The following KCNQ1OT1 variants were observed in gnomAD, a reference collection of about 807,000 sequenced individuals.
The protein encoded by KCNQ1OT1 is KCNQ1 opposite strand/antisense transcript 1, also known as KCNQ1 antisense RNA 2 (non-protein coding).
exon 1 of KCNQ1OT1, chr11:2,616,487 T>C (rs567271894): frequency 7.3e-5 from 29 of 397,850 alleles, no homozygotes; most frequent in African/African-American, 5.8e-4. Context: ...TAATATTAGG[T>C]TATGGATCCT....
At chr11:2,693,651 G>A in exon 1 of KCNQ1OT1, 1 of 398,642 alleles carries the variant, frequency 2.5e-6, no homozygotes, top group Non-Finnish European at 4.4e-6. Context: ...TGGGAGAAAG[G>A]CTTTTAGTTC....
rs891085632 is a variant in KCNQ1OT1 at position 2,659,126 on chromosome 11, T to C, written n.40869A>G. On this transcript the variant is annotated non_coding_transcript_exon_variant, in exon 1 of 1. Transcript: ENST00000597346. This position sits in a 1 kb window ranked among gnomAD's most constrained non-coding sequence, Gnocchi z 4.3. Reference sequence around the variant, plus strand: ...TCCGGGTTAATTTTTTAAATTTGCATACAGTAAAATCCACTCTTTGAGATT... The same window carrying C: ...TCCGGGTTAATTTTTTAAATTTGCACACAGTAAAATCCACTCTTTGAGATT... 1 of 398,644 alleles carries C rather than the reference T, an allele frequency of 2.5e-6. No homozygotes were observed. The highest frequency in any genetic ancestry group is 2.1e-5 in the African/African-American group (1 of 48,772). The allele number at this position is 398,644 out of a possible 1,614,324, so 24.7% of individuals were successfully genotyped here. A position where few individuals can be genotyped will look rare whatever the true frequency, so the allele number is the denominator to read the frequency against.
chr11:2,632,453 A>T (rs2133818032), exon 1 of KCNQ1OT1: 1 of 398,456 alleles, frequency 2.5e-6, no homozygotes. Flanking sequence ...TCTTAGAGGA[A>T]AAGCTCTTAG....
exon 1 of KCNQ1OT1, chr11:2,625,051 A>G (rs1369876015): frequency 2.5e-6 from 1 of 398,508 alleles, no homozygotes; most frequent in African/African-American, 2.1e-5. Flanking sequence ...TCGTGGGTAT[A>G]CAAATATATC....
chr11:2,686,709 A>G (rs2133886945), exon 1 of KCNQ1OT1: 1 of 398,666 alleles, frequency 2.5e-6, no homozygotes, highest in East Asian at 3.6e-5. Context: ...AAGGCTGGGA[A>G]GTCCTACTCG....
In KCNQ1OT1 at chr11:2,651,558, T is replaced by G. The variant is rs1189520056; in HGVS notation, n.48437A>C. On this transcript the variant is annotated non_coding_transcript_exon_variant, in exon 1 of 1. Transcript: ENST00000597346. The surrounding 1 kb of genome is among the most constrained non-coding windows in gnomAD (Gnocchi z 6.1). Reference sequence around the variant, plus strand: ...TGTGTCCCTGAGAACATGGATATTGTGTTCTTTACCTCCATGTCTCCAGTG... The same window carrying G: ...TGTGTCCCTGAGAACATGGATATTGGGTTCTTTACCTCCATGTCTCCAGTG... 5.0e-6 allele frequency: 2 copies of G among 398,626 alleles called. No individual in the cohort carries two copies. Among genetic ancestry groups the G allele is most frequent in the East Asian group, 7.1e-5 (2 of 28,074 alleles). 24.7% of individuals were successfully genotyped at this position (398,626 alleles called of 1,614,324 possible). A position where few individuals can be genotyped will look rare whatever the true frequency, so the allele number is the denominator to read the frequency against.
Position 2,675,274 on chromosome 11 carries a change from C to T in KCNQ1OT1, n.24721G>A, listed in dbSNP as rs1850273180. 1.8e-5 allele frequency: 7 copies of T among 398,454 alleles called. No individual in the cohort carries two copies. The Admixed American group carries it at 3.1e-4, about 18-fold the overall frequency. 24.7% of individuals were successfully genotyped at this position (398,454 alleles called of 1,614,324 possible). ...CTGTTTCAGAAGTGAAGATAACTCA[C>T]CTCTCCCAAAAGCAGAGTTTTGGCA... On this transcript the variant is annotated non_coding_transcript_exon_variant, in exon 1 of 1. Coordinates refer to ENST00000597346, the Ensembl canonical transcript of KCNQ1OT1.
exon 1 of KCNQ1OT1, chr11:2,634,549 T>C (rs1849423778): frequency 6.6e-6 from 1 of 152,284 alleles, no homozygotes; most frequent in Non-Finnish European, 1.5e-5. Context: ...ATGGTGTGTA[T>C]GTGCCACATT....
exon 1 of KCNQ1OT1, chr11:2,629,985 T>C (rs1849326799): frequency 2.5e-6 from 1 of 396,906 alleles, no homozygotes; most frequent in African/African-American, 2.1e-5. Context: ...AGAATATCTT[T>C]TTCTTGTTCC....
chr11:2,677,646 C>T lies in KCNQ1OT1; in HGVS notation n.22349G>A, dbSNP rs1297372902. 3 of 398,414 alleles carry T rather than the reference C, an allele frequency of 7.5e-6. No individual in the cohort carries two copies. The highest frequency in any genetic ancestry group is 1.3e-5 in the Non-Finnish European group (3 of 226,072). The allele number at this position is 398,414 out of a possible 1,614,324, so 24.7% of individuals were successfully genotyped here. A position where few individuals can be genotyped will look rare whatever the true frequency, so the allele number is the denominator to read the frequency against. The stretch of plus-strand genomic sequence containing the variant: ...GTGTACATAATTGTAACTCTAACAA[C>T]TGTTATTGCATATGAGATAAAATAA... On this transcript the variant is annotated non_coding_transcript_exon_variant, in exon 1 of 1. Coordinates refer to ENST00000597346, the Ensembl canonical transcript of KCNQ1OT1. The surrounding 1 kb of genome is among the most constrained non-coding windows in gnomAD (Gnocchi z 4.5).
At chr11:2,685,546 G>A (rs1316545059) in exon 1 of KCNQ1OT1, 1 of 398,734 alleles carries the variant, frequency 2.5e-6, no homozygotes, top group Non-Finnish European at 4.4e-6. Flanking sequence ...GGGAGGATCT[G>A]CAGATGACTA....
exon 1 of KCNQ1OT1, chr11:2,641,630 T>G (rs1849578473): frequency 5.0e-6 from 2 of 398,350 alleles, no homozygotes; most frequent in Non-Finnish European, 8.9e-6. Context: ...TGTACAAGCT[T>G]TATCATTTAA....
At chr11:2,680,300 G>A in exon 1 of KCNQ1OT1, 1 of 383,804 alleles carries the variant, frequency 2.6e-6, no homozygotes, top group Non-Finnish European at 4.5e-6. Flanking sequence ...TAGATTAACT[G>A]ATGAAGAATT....
exon 1 of KCNQ1OT1, chr11:2,619,308 G>A (rs1849124484): frequency 2.5e-6 from 1 of 398,404 alleles, no homozygotes; most frequent in Non-Finnish European, 4.4e-6. Context: ...GTTAGCTGTG[G>A]GCTTTTCATA....
exon 1 of KCNQ1OT1, chr11:2,632,605 T>C: frequency 2.5e-6 from 1 of 398,378 alleles, no homozygotes; most frequent in Non-Finnish European, 4.4e-6. Context: ...ATATAATGTG[T>C]CATAATCAAA....
rs1049136053 is a variant in KCNQ1OT1 at position 2,674,765 on chromosome 11, C to G, written n.25230G>C. On this transcript the variant is annotated non_coding_transcript_exon_variant, in exon 1 of 1. Transcript: ENST00000597346. This position sits in a 1 kb window ranked among gnomAD's most constrained non-coding sequence, Gnocchi z 5.9. ...CTCCAATCCCAGCCCAGTGCCAGAC[C>G]AGCTTCCTGGAAACTCTCGCCAACT... 1 of 396,108 alleles carries G rather than the reference C, an allele frequency of 2.5e-6. No homozygotes were observed. The highest frequency in any genetic ancestry group is 2.1e-5 in the African/African-American group (1 of 47,532). The allele number at this position is 396,108 out of a possible 1,614,324, so 24.5% of individuals were successfully genotyped here.
At chr11:2,609,924 T>C (rs1848950833) in exon 1 of KCNQ1OT1, 1 of 398,090 alleles carries the variant, frequency 2.5e-6, no homozygotes, top group African/African-American at 2.1e-5. Context: ...GTGCCTCATA[T>C]AGATGGAATA....
At position 2,678,375 on chromosome 11, in the gene KCNQ1OT1, C is replaced by T. The variant is rs1850329260; in HGVS notation, n.21620G>A. On this transcript the variant is annotated non_coding_transcript_exon_variant, in exon 1 of 1. Transcript: ENST00000597346. The surrounding 1 kb of genome is among the most constrained non-coding windows in gnomAD (Gnocchi z 4.9). ...GGGATTTTGACAGAGTAATTAAATC[C>T]AATTTGGTTTCCCATATATTTGTCC... is the stretch of plus-strand genomic sequence containing the variant. The T allele has an allele frequency of 2.5e-6, 1 of 398,158 alleles. No homozygotes were observed. The highest frequency in any genetic ancestry group is 4.4e-6 in the Non-Finnish European group (1 of 225,978). The allele number at this position is 398,158 out of a possible 1,614,324, so 24.7% of individuals were successfully genotyped here.
At chr11:2,694,761 A>G (rs926361606) in exon 1 of KCNQ1OT1, 17 of 398,410 alleles carry the variant, frequency 4.3e-5, no homozygotes, top group Non-Finnish European at 7.5e-5. Context: ...GGAACTAGAA[A>G]AGCGTAGCCT....
Sources: allele counts gnomAD v4.1 joint callset, GRCh38; gene constraint gnomAD v4.1.1; non-coding constraint Gnocchi (gnomAD v3.1); transcripts MANE v1.5; gene names NCBI Gene and HGNC (gene_info 2026-07-23, HGNC 2026-07-21).